Variants in TENM2 observed in about 807,000 individuals in gnomAD.
TENM2 encodes the protein teneurin-2.
Under a neutral mutation model 245.2 loss-of-function variants are expected in TENM2, and 52 were observed. The observed-to-expected ratio is 0.21, with a 90% CI of 0.17 to 0.27. The LOEUF (loss-of-function observed/expected upper bound fraction) is 0.27, where lower values mean the gene tolerates loss of function less well. Among genes scored for constraint, TENM2 ranks in the 10% least tolerant of loss-of-function variants. The probability of loss-of-function intolerance (pLI) is 1.00; values close to 1 mark genes in which losing one functional copy is unlikely to be tolerated. For missense variants in TENM2, 3,046 were observed against 3,666.8 expected (o/e 0.83, Z 4.37); for synonymous variants, 1,363 against 1,438.9 (o/e 0.95, Z 1.19).
intron 2 of TENM2, among the ~76,000 whole-genome samples, chr5:167,501,766 C>G (rs1424508440): frequency 1.3e-5 from 2 of 152,102 alleles, no homozygotes; most frequent in Admixed American, 6.6e-5. Context: ...GGTAGTTGTA[C>G]TTTGCCATAC....
chr5:167,717,976 A>G (rs1230698343), intron 2 of TENM2, among the ~76,000 whole-genome samples: 1 of 152,156 alleles, frequency 6.6e-6, no homozygotes, highest in Non-Finnish European at 1.5e-5. Flanking sequence ...TCACACTGCT[A>G]ATTCCCAAAG....
At chr5:168,139,526 C>T in intron 12 of TENM2, 1 of 456,478 alleles carries the variant, frequency 2.2e-6, no homozygotes, top group South Asian at 1.5e-5. Context: ...CAGTTCTCTT[C>T]CCATTTCCCC....
chr5:167,691,981 G>T (rs1471890931), intron 2 of TENM2, among the ~76,000 whole-genome samples: 1 of 152,118 alleles, frequency 6.6e-6, no homozygotes, highest in East Asian at 1.9e-4. Context: ...CACCATTTGC[G>T]GGAGAGGAGT....
At chr5:167,853,776 T>C (rs982182430) in intron 2 of TENM2, among the ~76,000 whole-genome samples, 6 of 152,232 alleles carry the variant, frequency 3.9e-5, no homozygotes, top group Non-Finnish European at 8.8e-5. Context: ...TGTATATTCA[T>C]GGACATTTCC....
the TENM2 span, among the ~76,000 whole-genome samples, chr5:167,057,457 T>C: frequency 6.6e-6 from 1 of 152,280 alleles, no homozygotes; most frequent in South Asian, 2.1e-4. Context: ...TAAATAAAAC[T>C]TTTTGTAATG....
intron 12 of TENM2, among the ~76,000 whole-genome samples, chr5:168,150,761 T>A (rs1001057458): frequency 6.6e-6 from 1 of 152,270 alleles, no homozygotes; most frequent in South Asian, 2.1e-4. Flanking sequence ...CCCTGTACAG[T>A]CCTACCTGGC....
chr5:167,061,183 G>C, the TENM2 span, among the ~76,000 whole-genome samples: 6 of 151,848 alleles, frequency 4.0e-5, no homozygotes, highest in African/African-American at 1.4e-4. Context: ...TTATTTTATT[G>C]GAAGAGAAAG....
intron 4 of TENM2, among the ~76,000 whole-genome samples, chr5:167,979,067 A>G (rs1782644365): frequency 6.6e-6 from 1 of 152,214 alleles, no homozygotes; most frequent in Non-Finnish European, 1.5e-5. Context: ...TGAGTGTGTA[A>G]TATGTTGACA....
Position 168,204,362 on chromosome 5 carries a change from A to AC in TENM2, c.3575-5dup. On this transcript the variant is annotated splice_polypyrimidine_tract_variant and intron_variant, in intron 18 of 28. Coordinates refer to ENST00000518659, the Ensembl canonical transcript of TENM2. Reference sequence around the variant, plus strand: ...CTTCAGTAACCCCTCCCATTCTCCAACCCCCACAGGAATCCTACACAAAGG... The same window carrying AC: ...CTTCAGTAACCCCTCCCATTCTCCAACCCCCCACAGGAATCCTACACAAAGG... 3 of 1,609,034 alleles carry AC rather than the reference A, an allele frequency of 1.9e-6. No homozygotes were observed. The highest frequency in any genetic ancestry group is 1.1e-5 in the South Asian group (1 of 90,884).
At chr5:167,641,472 A>T (rs1280329699) in intron 2 of TENM2, among the ~76,000 whole-genome samples, 1 of 151,996 alleles carries the variant, frequency 6.6e-6, no homozygotes, top group Non-Finnish European at 1.5e-5. Context: ...AACAGCAAAA[A>T]CCACATTTGG....
rs116675829 is a variant in TENM2, at chr5:168,192,141, C to T, written c.2780+1594C>T. On this transcript the variant is annotated intron_variant, in intron 14 of 28. Coordinates refer to ENST00000518659, the Ensembl canonical transcript of TENM2. Reference sequence around the variant, plus strand: ...AAATTAGGATAACACTATTTAAATACGTAAAAGTTGATCAGACAAATTGGG... The same window carrying T: ...AAATTAGGATAACACTATTTAAATATGTAAAAGTTGATCAGACAAATTGGG... Among the ~76,000 whole-genome samples, 1,303 of 152,190 alleles carry T rather than the reference C, an allele frequency of 8.6e-3. 9 individuals are homozygous for T. Among genetic ancestry groups the T allele is most frequent in the Middle Eastern group, 0.044 (13 of 294 alleles).
chr5:167,458,357 C>T (rs539292182), intron 2 of TENM2, among the ~76,000 whole-genome samples: 11 of 145,144 alleles, frequency 7.6e-5, no homozygotes, highest in African/African-American at 2.0e-4. Flanking sequence ...TGTGGTGGCA[C>T]GTGCCTGTGA....
At chr5:167,315,155 G>A in intron 1 of TENM2, among the ~76,000 whole-genome samples, 1 of 151,854 alleles carries the variant, frequency 6.6e-6, no homozygotes, top group East Asian at 1.9e-4. Flanking sequence ...AAGTATTAAT[G>A]CTTTTTTGGT....
the TENM2 span, among the ~76,000 whole-genome samples, chr5:167,015,680 C>T: frequency 6.6e-5 from 10 of 152,116 alleles, no homozygotes; most frequent in Admixed American, 3.9e-4. Context: ...TTCACAATGA[C>T]TGTGTTTCAT....
intron 2 of TENM2, among the ~76,000 whole-genome samples, chr5:167,636,177 T>A (rs1430656416): frequency 6.6e-6 from 1 of 152,212 alleles, no homozygotes; most frequent in Admixed American, 6.5e-5. Flanking sequence ...GCATTTTTTC[T>A]ATAAAGAAAT....
intron 1 of TENM2, among the ~76,000 whole-genome samples, chr5:167,365,323 TAAAG>T (rs1174950496): frequency 4.7e-5 from 7 of 149,400 alleles, no homozygotes; most frequent in East Asian, 2.0e-4. Flanking sequence ...ACTTAAGAAA[TAAAG>T]AAAATATTTC....
chr5:167,745,656 T>A (rs1761508350), intron 2 of TENM2, among the ~76,000 whole-genome samples: 1 of 152,202 alleles, frequency 6.6e-6, no homozygotes, highest in South Asian at 2.1e-4. Context: ...AATTCCCTAC[T>A]GGCCATTTGC....
At chr5:167,816,005 T>TGC (rs1242506476) in intron 2 of TENM2, among the ~76,000 whole-genome samples, 4 of 151,500 alleles carry the variant, frequency 2.6e-5, no homozygotes, top group Non-Finnish European at 5.9e-5. Context: ...TGTGTGTGTG[T>TGC]GTGTGTTTCT....
At chr5:168,165,637 TCCCCCCCCCAACCC>T (rs1426919306) in intron 13 of TENM2, among the ~76,000 whole-genome samples, 443 of 22,602 alleles carry the variant, frequency 0.02, 60 homozygotes, top group African/African-American at 0.034. Context: ...CAATTCAGGA[TCCCCCCCCCAACCC>T]CCCCCCCCCC....
Sources: allele counts gnomAD v4.1 joint callset (sites outside exome capture counted in the v4.1 genomes callset), GRCh38; gene constraint gnomAD v4.1.1; transcripts MANE v1.5; gene names NCBI Gene and HGNC (gene_info 2026-07-23, HGNC 2026-07-21).